The following PPP1R17 variants were observed in gnomAD, a reference collection of about 807,000 sequenced individuals.
PPP1R17 encodes the protein protein phosphatase 1 regulatory subunit 17, also known as G-substrate.
Under a neutral mutation model 15.9 loss-of-function variants are expected in PPP1R17, and 12 were observed. The observed-to-expected ratio is 0.75, with a 90% CI of 0.48 to 1.22. The LOEUF (loss-of-function observed/expected upper bound fraction) is 1.22. PPP1R17 is among the 50% of genes most tolerant of loss of function. PPP1R17 has a pLI of 0.00. For missense variants in PPP1R17, 211 were observed against 187.3 expected (o/e 1.13, Z -0.74); for synonymous variants, 63 against 64.5 (o/e 0.98, Z 0.11).
chr7:31,703,609 G>A (rs143070860), intron 4 of PPP1R17, among the ~76,000 whole-genome samples: 231 of 152,328 alleles, frequency 1.5e-3, no homozygotes, highest in African/African-American at 5.2e-3. Context: ...CCTTTTAGTA[G>A]CTAAAGATTT....
chr7:31,702,149 A>G (rs1792874900), intron 4 of PPP1R17, among the ~76,000 whole-genome samples: 1 of 151,920 alleles, frequency 6.6e-6, no homozygotes, highest in South Asian at 2.1e-4. Flanking sequence ...ATGCTATGAT[A>G]TGGGAAATTC....
rs530939407 is a variant in PPP1R17 at position 31,691,806 on chromosome 7, A to G, written c.-36-600A>G. On this transcript the variant is annotated intron_variant, in intron 1 of 4. Transcript: ENST00000342032. ...TGTAGAATGTAATGATTAAAAAAAA[A>G]AAAAAAAAAAAAAAAACCAAGCAAA... Among the ~76,000 whole-genome samples, 7 of 150,800 alleles carry G rather than the reference A, an allele frequency of 4.6e-5. No homozygotes were observed. In the South Asian group the frequency reaches 1.5e-3, roughly 31 times the overall value.
chr7:31,693,058 T>G (rs909595283), intron 2 of PPP1R17, among the ~76,000 whole-genome samples: 1 of 152,200 alleles, frequency 6.6e-6, no homozygotes, highest in African/African-American at 2.4e-5. Context: ...TTTCTAAAAA[T>G]GAGACATTCA....
At chr7:31,696,507 T>C (rs1201473542) in intron 3 of PPP1R17, among the ~76,000 whole-genome samples, 3 of 152,164 alleles carry the variant, frequency 2.0e-5, no homozygotes, top group African/African-American at 7.2e-5. Flanking sequence ...CACTGTAGCA[T>C]AGAGGTGAGA....
At chr7:31,694,384 T>A (rs1414235572) in intron 2 of PPP1R17, among the ~76,000 whole-genome samples, 5,279 of 98,106 alleles carry the variant, frequency 0.054, 307 homozygotes, top group African/African-American at 0.21. Flanking sequence ...TCTCTCTCTC[T>A]CAAACACACA....
intron 4 of PPP1R17, among the ~76,000 whole-genome samples, chr7:31,699,914 T>C (rs1446258413): frequency 6.6e-6 from 1 of 152,118 alleles, no homozygotes; most frequent in Non-Finnish European, 1.5e-5. Context: ...AATCTATAAG[T>C]GGTGTATGCG....
At chr7:31,688,389 C>T (rs1457922008) in intron 1 of PPP1R17, among the ~76,000 whole-genome samples, 1 of 152,194 alleles carries the variant, frequency 6.6e-6, no homozygotes, top group Non-Finnish European at 1.5e-5. Context: ...ATTTAAACCG[C>T]ATATTCTCAC....
intron 4 of PPP1R17, among the ~76,000 whole-genome samples, chr7:31,699,484 G>T (rs1792750974): frequency 6.6e-6 from 1 of 152,162 alleles, no homozygotes; most frequent in Non-Finnish European, 1.5e-5. Flanking sequence ...AAGAATAATA[G>T]ACAACAGTCA....
At chr7:31,704,145 T>C (rs937459035) in intron 4 of PPP1R17, among the ~76,000 whole-genome samples, 3 of 152,208 alleles carry the variant, frequency 2.0e-5, no homozygotes, top group East Asian at 3.8e-4. Flanking sequence ...TTTGGGCAGT[T>C]TGGGACATCG....
chr7:31,690,956 G>T (rs1433053572), intron 1 of PPP1R17, among the ~76,000 whole-genome samples: 1 of 152,096 alleles, frequency 6.6e-6, no homozygotes, highest in Non-Finnish European at 1.5e-5. Context: ...GAGGAAAATT[G>T]GTTAAATAGG....
At chr7:31,703,836 G>A (rs761045210) in intron 4 of PPP1R17, among the ~76,000 whole-genome samples, 2 of 152,184 alleles carry the variant, frequency 1.3e-5, no homozygotes, top group African/African-American at 4.8e-5. Context: ...CTTAGTTAAT[G>A]AGCTTACTTG....
At chr7:31,695,128 G>A (rs1050085694) in intron 2 of PPP1R17, among the ~76,000 whole-genome samples, 2 of 140,600 alleles carry the variant, frequency 1.4e-5, no homozygotes, top group Non-Finnish European at 3.0e-5. Context: ...ATGGAGGCGC[G>A]TTTAGCAGAG....
chr7:31,691,641 A>T (rs1319534553), intron 1 of PPP1R17, among the ~76,000 whole-genome samples: 2 of 151,914 alleles, frequency 1.3e-5, no homozygotes, highest in Non-Finnish European at 2.9e-5. Context: ...GAGGGTGGGG[A>T]CGGGGACAGA....
chr7:31,695,085 G>A (rs1310468147), intron 2 of PPP1R17, among the ~76,000 whole-genome samples: 1 of 152,148 alleles, frequency 6.6e-6, no homozygotes, highest in African/African-American at 2.4e-5. Flanking sequence ...GGCCCTTGGG[G>A]TCTCCAAAGA....
At chr7:31,697,569 A>C (rs1438524717) in intron 4 of PPP1R17, among the ~76,000 whole-genome samples, 2 of 152,232 alleles carry the variant, frequency 1.3e-5, no homozygotes, top group Non-Finnish European at 2.9e-5. Flanking sequence ...TCAAACAAAA[A>C]AAATCATACT....
At chr7:31,693,728 A>T (rs1468217942) in intron 2 of PPP1R17, among the ~76,000 whole-genome samples, 1 of 152,234 alleles carries the variant, frequency 6.6e-6, no homozygotes, top group African/African-American at 2.4e-5. Flanking sequence ...AAGGTTTAAG[A>T]CATTTAATCC....
intron 3 of PPP1R17, 46 bp from the exon 4 acceptor site, chr7:31,696,912 TTAGGATA>T: frequency 6.3e-7 from 1 of 1,579,280 alleles, no homozygotes; most frequent in South Asian, 1.2e-5. Context: ...TCCTCATATA[TTAGGATA>T]TATGTATTTG....
rs550189867 is a variant in PPP1R17 at position 31,705,986 on chromosome 7, A to ATTTTTTTTTTTTTTTTTTT, written c.389-1200_389-1182dup. ...GACTTCTGAATTTCACAGACCAGTA[A>ATTTTTTTTTTTTTTTTTTT]TTTTTTTTTTTTTTTTTTTTTTTTT... On this transcript the variant is annotated intron_variant, in intron 4 of 4. Transcript: ENST00000342032. Among the ~76,000 whole-genome samples the ATTTTTTTTTTTTTTTTTTT allele has an allele frequency of 1.3e-4, 7 of 52,514 alleles. 1 individual carries two copies. The highest frequency in any genetic ancestry group is 3.8e-4 in the African/African-American group (5 of 13,282). 34.5% of individuals were successfully genotyped at this position (52,514 alleles called of 152,430 possible).
At chr7:31,695,133 G>A (rs1199711658) in intron 2 of PPP1R17, among the ~76,000 whole-genome samples, 3 of 135,126 alleles carry the variant, frequency 2.2e-5, no homozygotes, top group Non-Finnish European at 4.6e-5. Flanking sequence ...GGCGCGTTTA[G>A]CAGAGAGAAC....
Sources: gnomAD v4.1 joint callset for allele counts (sites outside exome capture counted in the v4.1 genomes callset) on GRCh38, gnomAD v4.1.1 for gene constraint, MANE v1.5 for transcripts, NCBI Gene and HGNC (gene_info 2026-07-23, HGNC 2026-07-21) for gene names.